PAX2: variants seen among roughly 807,000 people sequenced by gnomAD.
PAX2 encodes the protein paired box protein Pax-2.
In PAX2, 9 loss-of-function variants were observed where a neutral mutation model predicts 41.7. The observed-to-expected ratio is 0.22, with a 90% confidence interval of 0.13 to 0.38. PAX2 has a LOEUF of 0.38. Ranked by LOEUF, PAX2 falls within the 10% of genes least tolerant of loss-of-function variation. PAX2 has a pLI of 1.00. For missense variants in PAX2, 418 were observed against 531.6 expected (o/e 0.79, Z 2.10); for synonymous variants, 221 against 212.7 (o/e 1.04, Z -0.34).
chr10:100,749,581 C>G, intron 1 of PAX2, 165 bp from the exon 2 acceptor site: 1 of 1,424,144 alleles, frequency 7.0e-7, no homozygotes, highest in South Asian at 1.6e-5. Flanking sequence ...TTCCAGTCCC[C>G]ACTCCTCCGC....
chr10:100,784,785 G>C (rs1846782229), intron 5 of PAX2, among the ~76,000 whole-genome samples: 1 of 152,202 alleles, frequency 6.6e-6, no homozygotes, highest in African/African-American at 2.4e-5. Context: ...GGAAAGGACT[G>C]ATCAGCTGTG....
rs372213576 is a variant in PAX2, at chr10:100,828,129, TTC to T, written c.*512_*513del. 4.3e-6 allele frequency: 1 copy of T among 230,744 alleles called. No homozygotes were observed. 14.3% of individuals were successfully genotyped at this position (230,744 alleles called of 1,614,324 possible). On this transcript the variant is annotated 3_prime_UTR_variant, in exon 10 of 10. Coordinates refer to ENST00000355243, the MANE Select transcript of PAX2 (RefSeq NM_000278.5). The surrounding 1 kb of genome is among the most constrained non-coding windows in gnomAD (Gnocchi z 6.5). ...CAAGGAGATTAAGAAGAAAACGACTTTCTGCAGGAGGAAGAGCCCGCTGCCGA... is the reference window on the plus strand; with the variant it reads ...CAAGGAGATTAAGAAGAAAACGACTTTGCAGGAGGAAGAGCCCGCTGCCGA...
At chr10:100,747,649 T>A in intron 1 of PAX2, 1 of 984,300 alleles carries the variant, frequency 1.0e-6, no homozygotes, top group South Asian at 4.7e-5. Flanking sequence ...TAATCATATA[T>A]TTAGCGTTGC....
At chr10:100,821,081 A>G (rs1848367395) in intron 7 of PAX2, among the ~76,000 whole-genome samples, 1 of 152,174 alleles carries the variant, frequency 6.6e-6, no homozygotes, top group African/African-American at 2.4e-5. Flanking sequence ...CACAGATTCC[A>G]TTACCCATTC....
intron 7 of PAX2, among the ~76,000 whole-genome samples, chr10:100,816,302 G>A (rs535205046): frequency 1.3e-5 from 2 of 152,316 alleles, no homozygotes; most frequent in Admixed American, 1.3e-4. Context: ...GTCAGGTTAC[G>A]GGACCCTTTT....
intron 7 of PAX2, among the ~76,000 whole-genome samples, chr10:100,812,927 T>C (rs1848047848): frequency 1.3e-5 from 2 of 152,180 alleles, no homozygotes; most frequent in African/African-American, 2.4e-5. Context: ...TAGAAAAGGG[T>C]TGGCCAATCT....
intron 5 of PAX2, among the ~76,000 whole-genome samples, chr10:100,802,095 A>G (rs1229932551): frequency 2.6e-5 from 4 of 152,192 alleles, no homozygotes; most frequent in Non-Finnish European, 5.9e-5. Flanking sequence ...CCCTCCCTCT[A>G]TGGGGACTGA....
chr10:100,824,845 G>A lies in PAX2; in HGVS notation c.1021+96G>A. 2.6e-6 allele frequency: 4 copies of A among 1,528,242 alleles called. No individual in the cohort carries two copies. Among genetic ancestry groups the A allele is most frequent in the Non-Finnish European group, 2.7e-6 (3 of 1,101,818 alleles). The allele number at this position is 1,528,242 out of a possible 1,614,324, so 94.7% of individuals were successfully genotyped here. A position where few individuals can be genotyped will look rare whatever the true frequency, so the allele number is the denominator to read the frequency against. The stretch of plus-strand genomic sequence containing the variant: ...CTGTAGTCTGAGGCTGGGGTGGGGG[G>A]AGACACAACGTCCCCTCCCTGCAAA... On this transcript the variant is annotated intron_variant, in intron 8 of 9. Coordinates refer to ENST00000355243, the MANE Select transcript of PAX2 (RefSeq NM_000278.5). The surrounding 1 kb of genome is among the most constrained non-coding windows in gnomAD (Gnocchi z 6.6).
In PAX2 at chr10:100,749,798, C is replaced by G. The variant is rs757633295; in HGVS notation, c.96C>G (p.Pro32=). 6.8e-5 allele frequency: 109 copies of G among 1,612,068 alleles called. No homozygotes were observed. The highest frequency in any genetic ancestry group is 6.3e-4 in the South Asian group (57 of 90,878). ...QLGGVFVNGR[P]LPDVVRQRIV... Reference sequence around the variant, plus strand: ...GGGGGGTGTTTGTGAACGGCCGGCCCCTACCCGACGTGGTGAGGCAGCGCA... The same window carrying G: ...GGGGGGTGTTTGTGAACGGCCGGCCGCTACCCGACGTGGTGAGGCAGCGCA... The change falls in exon 2 of 10, where the codon CCC becomes CCG. Residue 32 remains proline, a synonymous_variant. Transcript: ENST00000355243.
Position 100,746,220 on chromosome 10 carries a change from C to CGGCGG in PAX2, c.-40_-36dup. On this transcript the variant is annotated 5_prime_UTR_variant, in exon 1 of 10. Transcript: ENST00000355243. Reference sequence around the variant, plus strand: ...CTGAAGTTGAGTTTGAGAGGCGACACGGCGGCGGCGGCCGCGCTGCTCCCG... The same window carrying CGGCGG: ...CTGAAGTTGAGTTTGAGAGGCGACACGGCGGGGCGGCGGCGGCCGCGCTGCTCCCG... 6 of 1,611,414 alleles carry CGGCGG rather than the reference C, an allele frequency of 3.7e-6. No homozygotes were observed. The highest frequency in any genetic ancestry group is 5.1e-6 in the Non-Finnish European group (6 of 1,178,350).
intron 6 of PAX2, among the ~76,000 whole-genome samples, chr10:100,808,749 C>T (rs1248474185): frequency 6.6e-6 from 1 of 152,212 alleles, no homozygotes; most frequent in African/African-American, 2.4e-5. Flanking sequence ...CCAGTCATGT[C>T]ATGGTTCCCC....
In PAX2 at chr10:100,786,028, C is replaced by T. The variant is rs192861676; in HGVS notation, c.616+4663C>T. 3.4e-4 allele frequency among the ~76,000 whole-genome samples: 52 copies of T among 152,314 alleles called. No homozygotes were observed. The East Asian group carries it at 7.3e-3, about 21-fold the overall frequency. On this transcript the variant is annotated intron_variant, in intron 5 of 9. Transcript: ENST00000355243. ...TGTTGAGCTGACTTCATCTTGGAGACGCATCCTTGTGTATCTGGGAAAGAA... is the reference window on the plus strand; with the variant it reads ...TGTTGAGCTGACTTCATCTTGGAGATGCATCCTTGTGTATCTGGGAAAGAA...
In PAX2 at chr10:100,750,551, G is replaced by T. The variant is rs942673099; in HGVS notation, c.213-143G>T. On this transcript the variant is annotated intron_variant, in intron 2 of 9. Transcript: ENST00000355243. This position sits in a 1 kb window ranked among gnomAD's most constrained non-coding sequence, Gnocchi z 4.1. The stretch of plus-strand genomic sequence containing the variant: ...CCTCCTAGCCAGGCACCCTCAGGAA[G>T]TCAGCTCAGCCACACTGGGCCTTTT... 7.0e-6 allele frequency: 5 copies of T among 710,778 alleles called. No individual in the cohort carries two copies. Among genetic ancestry groups the T allele is most frequent in the Non-Finnish European group, 1.2e-5 (5 of 419,644 alleles). The allele number at this position is 710,778 out of a possible 1,614,324, so 44.0% of individuals were successfully genotyped here.
chr10:100,782,137 C>G (rs150118961), intron 5 of PAX2, among the ~76,000 whole-genome samples: 391 of 152,306 alleles, frequency 2.6e-3, no homozygotes, highest in African/African-American at 9.0e-3. Context: ...AGACCCTGAA[C>G]AACAGAGACA....
At chr10:100,810,909 G>A (rs1485979563) in intron 7 of PAX2, among the ~76,000 whole-genome samples, 2 of 147,248 alleles carry the variant, frequency 1.4e-5, no homozygotes, top group African/African-American at 4.9e-5. Flanking sequence ...GAACATCTCC[G>A]GCTGATCCAT....
intron 5 of PAX2, among the ~76,000 whole-genome samples, chr10:100,788,164 T>G (rs1283623588): frequency 6.6e-6 from 1 of 152,192 alleles, no homozygotes; most frequent in Non-Finnish European, 1.5e-5. Context: ...GAAATAGCCT[T>G]AAGGAAGAGA....
In PAX2 at chr10:100,791,235, G is replaced by A. The variant is rs1054217039; in HGVS notation, c.616+9870G>A. 6.6e-6 allele frequency among the ~76,000 whole-genome samples: 1 copy of A among 152,230 alleles called. No individual in the cohort carries two copies. Among genetic ancestry groups the A allele is most frequent in the Non-Finnish European group, 1.5e-5 (1 of 68,042 alleles). ...GACAAGTGTGTGGGCATCTCCTGGGGGCCTTTCCAGGACTGGGGCTGGGGC... is the reference window on the plus strand; with the variant it reads ...GACAAGTGTGTGGGCATCTCCTGGGAGCCTTTCCAGGACTGGGGCTGGGGC... On this transcript the variant is annotated intron_variant, in intron 5 of 9. Coordinates refer to ENST00000355243, the MANE Select transcript of PAX2 (RefSeq NM_000278.5). This position sits in a 1 kb window ranked among gnomAD's most constrained non-coding sequence, Gnocchi z 4.5.
chr10:100,760,288 G>A (rs1282203428), intron 3 of PAX2, among the ~76,000 whole-genome samples: 3 of 152,206 alleles, frequency 2.0e-5, no homozygotes, highest in Admixed American at 2.0e-4. Flanking sequence ...TCCGGCTAAA[G>A]GGATTGTTTG....
chr10:100,742,087 C>G (rs1439157339), upstream of PAX2, among the ~76,000 whole-genome samples: 1 of 151,690 alleles, frequency 6.6e-6, no homozygotes, highest in Non-Finnish European at 1.5e-5. Flanking sequence ...GGCCCCGGGT[C>G]AGGGCCCTGC....
Sources: gnomAD v4.1 joint callset for allele counts (sites outside exome capture counted in the v4.1 genomes callset) on GRCh38, gnomAD v4.1.1 for gene constraint, Gnocchi (gnomAD v3.1) non-coding constraint, MANE v1.5 for transcripts, NCBI Gene and HGNC (gene_info 2026-07-23, HGNC 2026-07-21) for gene names.